CFAP58: variants seen among roughly 807,000 people sequenced by gnomAD.
CFAP58 encodes the protein cilia and flagella associated protein 58, also known as cilia- and flagella-associated protein 58.
Under a neutral mutation model 119.5 loss-of-function variants are expected in CFAP58, and 88 were observed. The ratio of observed to expected loss-of-function variants is 0.74; its 90% CI spans 0.62 to 0.88. CFAP58 has a LOEUF of 0.88. CFAP58 is among the 40% of genes least tolerant of loss of function. The pLI, the probability that CFAP58 is intolerant of heterozygous loss-of-function variation, is 0.00. For missense variants in CFAP58, 990 were observed against 1,021.2 expected (o/e 0.97, Z 0.42); for synonymous variants, 365 against 366.3 (o/e 1.00, Z 0.04).
At chr10:104,416,749 T>C (rs978997136) in intron 15 of CFAP58, among the ~76,000 whole-genome samples, 3 of 152,154 alleles carry the variant, frequency 2.0e-5, no homozygotes, top group African/African-American at 7.2e-5. Flanking sequence ...CCAGTCCCCT[T>C]TACAGACAAG....
At chr10:104,439,727 A>ACAACAT in intron 15 of CFAP58, among the ~76,000 whole-genome samples, 1 of 152,182 alleles carries the variant, frequency 6.6e-6, no homozygotes, top group East Asian at 1.9e-4. Flanking sequence ...AACAACAACA[A>ACAACAT]CAACATATTT....
chr10:104,411,115 T>C (rs900360808), intron 15 of CFAP58, among the ~76,000 whole-genome samples: 4 of 152,044 alleles, frequency 2.6e-5, no homozygotes, highest in African/African-American at 7.2e-5. Context: ...AATTTTTGTA[T>C]TTTTAGTAGA....
At chr10:104,338,674 A>ACC in the CFAP58 span, among the ~76,000 whole-genome samples, 2 of 151,316 alleles carry the variant, frequency 1.3e-5, no homozygotes, top group African/African-American at 4.9e-5. Context: ...CAGTGGAGTA[A>ACC]ACTGGAGCGA....
At position 104,409,093 on chromosome 10, in the gene CFAP58, C is replaced by T. The variant is rs539896990; in HGVS notation, c.2256+2300C>T. ...TCAGCCTAGGTGACAGTGTGAGACC[C>T]CGTCTCATAAAAAAAAAAATTATTT... On this transcript the variant is annotated intron_variant, in intron 15 of 17. Transcript: ENST00000369704. Among the ~76,000 whole-genome samples, 5 of 67,930 alleles carry T rather than the reference C, an allele frequency of 7.4e-5. No individual in the cohort carries two copies. In the East Asian group the frequency reaches 2.1e-3, roughly 29 times the overall value. The allele number at this position is 67,930 out of a possible 152,430, so 44.6% of individuals were successfully genotyped here. A position where few individuals can be genotyped will look rare whatever the true frequency, so the allele number is the denominator to read the frequency against.
chr10:104,343,918 T>A, the CFAP58 span, among the ~76,000 whole-genome samples: 1 of 152,162 alleles, frequency 6.6e-6, no homozygotes, highest in Admixed American at 6.5e-5. Flanking sequence ...AATTTTCCTA[T>A]TTTTTGCAGA....
chr10:104,423,254 A>G (rs1424997118), intron 15 of CFAP58, among the ~76,000 whole-genome samples: 1 of 152,204 alleles, frequency 6.6e-6, no homozygotes, highest in Non-Finnish European at 1.5e-5. Flanking sequence ...TCCACCATCC[A>G]TTTGTTCATT....
intron 12 of CFAP58, 97 bp downstream of exon 12, chr10:104,399,597 C>A: frequency 7.8e-7 from 1 of 1,280,678 alleles, no homozygotes; most frequent in Admixed American, 2.4e-5. Flanking sequence ...GCTCTTCCAA[C>A]CAGCCCTATT....
chr10:104,410,198 A>G (rs950537121), intron 15 of CFAP58, among the ~76,000 whole-genome samples: 3 of 152,222 alleles, frequency 2.0e-5, no homozygotes, highest in Non-Finnish European at 4.4e-5. Context: ...AAAGTTGATC[A>G]ATATCTTTCT....
intron 15 of CFAP58, among the ~76,000 whole-genome samples, chr10:104,445,334 A>C (rs368633233): frequency 0.032 from 4,772 of 150,750 alleles, 134 homozygotes; most frequent in African/African-American, 0.073. Context: ...AAAAAAAAAA[A>C]AACAACAACA....
intron 15 of CFAP58, among the ~76,000 whole-genome samples, chr10:104,432,866 G>A (rs543527768): frequency 6.6e-6 from 1 of 152,324 alleles, no homozygotes; most frequent in African/African-American, 2.4e-5. Context: ...AGAGAATATG[G>A]TAGTATGTAT....
chr10:104,432,674 T>C (rs1235725125), intron 15 of CFAP58, among the ~76,000 whole-genome samples: 1 of 152,192 alleles, frequency 6.6e-6, no homozygotes, highest in East Asian at 1.9e-4. Context: ...AGCTAATTTT[T>C]GTATTTTTAG....
At chr10:104,377,423 G>T (rs926798018) in intron 8 of CFAP58, among the ~76,000 whole-genome samples, 1 of 152,148 alleles carries the variant, frequency 6.6e-6, no homozygotes, top group Non-Finnish European at 1.5e-5. Context: ...CTAAGGGAGG[G>T]GTTACGGCAG....
At chr10:104,419,281 G>A (rs965578914) in intron 15 of CFAP58, among the ~76,000 whole-genome samples, 3 of 152,076 alleles carry the variant, frequency 2.0e-5, no homozygotes, top group South Asian at 2.1e-4. Context: ...GTTTGCCCAA[G>A]ACAGCCTGAG....
At chr10:104,376,752 T>C in intron 7 of CFAP58, 59 bp from the exon 8 acceptor site, 1 of 1,385,370 alleles carries the variant, frequency 7.2e-7, no homozygotes, top group Non-Finnish European at 1.0e-6. Context: ...CTTCGGCTTT[T>C]GTAGATTCTC....
intron 17 of CFAP58, among the ~76,000 whole-genome samples, chr10:104,452,052 T>C (rs1040770625): frequency 2.0e-5 from 3 of 152,164 alleles, no homozygotes; most frequent in African/African-American, 4.8e-5. Context: ...AAAACGTTTT[T>C]GAACTTGCAG....
intron 9 of CFAP58, among the ~76,000 whole-genome samples, chr10:104,381,718 G>A (rs757607919): frequency 3.5e-4 from 54 of 152,238 alleles, no homozygotes; most frequent in Non-Finnish European, 6.8e-4. Context: ...TTACTGATAG[G>A]AAGTCAGCTT....
chr10:104,342,681 A>T, the CFAP58 span, among the ~76,000 whole-genome samples: 4 of 149,454 alleles, frequency 2.7e-5, no homozygotes, highest in Non-Finnish European at 6.0e-5. Flanking sequence ...AAAAAAAAAA[A>T]AAAAAATACA....
At chr10:104,426,967 T>C (rs1278675912) in intron 15 of CFAP58, among the ~76,000 whole-genome samples, 1 of 152,204 alleles carries the variant, frequency 6.6e-6, no homozygotes, top group Non-Finnish European at 1.5e-5. Context: ...GTTGGAACAA[T>C]GGAAATGATG....
intron 15 of CFAP58, among the ~76,000 whole-genome samples, chr10:104,444,760 A>G (rs1190907361): frequency 6.6e-6 from 1 of 152,150 alleles, no homozygotes; most frequent in African/African-American, 2.4e-5. Context: ...CATTCCAACA[A>G]CTGCCCCCAT....
Sources: allele counts gnomAD v4.1 joint callset (sites outside exome capture counted in the v4.1 genomes callset), GRCh38; gene constraint gnomAD v4.1.1; transcripts MANE v1.5; gene names NCBI Gene and HGNC (gene_info 2026-07-23, HGNC 2026-07-21).